Variants in PTPRT observed in about 807,000 individuals in gnomAD.
PTPRT encodes the protein receptor-type tyrosine-protein phosphatase T.
In PTPRT, 56 loss-of-function variants were observed where a neutral mutation model predicts 176.8. The observed-to-expected ratio is 0.32, with a 90% confidence interval of 0.26 to 0.40. The LOEUF is 0.40. Among genes scored for constraint, PTPRT ranks in the 10% least tolerant of loss-of-function variants. The pLI, the probability that PTPRT is intolerant of heterozygous loss-of-function variation, is 1.00. For synonymous variants in PTPRT, 783 were observed against 739.0 expected (o/e 1.06, Z -0.96); for missense variants, 1,540 against 1,908.2 (o/e 0.81, Z 3.60).
At chr20:43,146,383 T>C (rs775667949) in intron 1 of PTPRT, among the ~76,000 whole-genome samples, 54 of 152,114 alleles carry the variant, frequency 3.5e-4, no homozygotes, top group Non-Finnish European at 6.5e-4. Flanking sequence ...AGACCCTATG[T>C]AGTGAAAAAA....
In PTPRT at chr20:42,811,301, T is replaced by C. The variant is rs1001607718; in HGVS notation, c.215-19835A>G. On this transcript the variant is annotated intron_variant, in intron 2 of 30. Transcript: ENST00000373187. ...ACACAGAGACAAAAGGACAGACGGATGGATGGATGAGGATGGGCGGATGGA... is the reference window on the plus strand; with the variant it reads ...ACACAGAGACAAAAGGACAGACGGACGGATGGATGAGGATGGGCGGATGGA... 1.4e-4 allele frequency among the ~76,000 whole-genome samples: 22 copies of C among 152,170 alleles called. No homozygotes were observed. In the East Asian group the frequency reaches 4.3e-3, roughly 29 times the overall value.
intron 1 of PTPRT, among the ~76,000 whole-genome samples, chr20:42,956,681 C>T (rs900489975): frequency 6.6e-6 from 1 of 152,084 alleles, no homozygotes; most frequent in African/African-American, 2.4e-5. Flanking sequence ...CTGCAGCTCC[C>T]ACCTGGGCAG....
chr20:42,369,910 T>A (rs1219848378), intron 9 of PTPRT, among the ~76,000 whole-genome samples: 3 of 152,338 alleles, frequency 2.0e-5, no homozygotes, highest in East Asian at 1.9e-4. Flanking sequence ...GATGAGAACA[T>A]CTCACCTAAG....
intron 14 of PTPRT, among the ~76,000 whole-genome samples, chr20:42,242,633 C>T (rs543835759): frequency 2.6e-5 from 4 of 152,080 alleles, no homozygotes; most frequent in South Asian, 2.1e-4. Context: ...GAAGAAAGTT[C>T]GTAAGCAAAA....
At chr20:42,299,869 G>A (rs565798387) in intron 12 of PTPRT, among the ~76,000 whole-genome samples, 30 of 151,582 alleles carry the variant, frequency 2.0e-4, no homozygotes, top group African/African-American at 6.0e-4. Context: ...AAATGGTCTC[G>A]ATCTCTTGAC....
chr20:42,970,880 G>A (rs1003845893), intron 1 of PTPRT: 2 of 152,136 alleles, frequency 1.3e-5, no homozygotes, highest in African/African-American at 4.8e-5. Flanking sequence ...TTTTCCTCTG[G>A]TCTCCAGAGA....
intron 1 of PTPRT, among the ~76,000 whole-genome samples, chr20:43,135,841 G>C (rs1048222542): frequency 1.3e-5 from 2 of 152,284 alleles, no homozygotes; most frequent in Admixed American, 1.3e-4. Flanking sequence ...CTGACCTTGA[G>C]GCATCTGAAT....
chr20:42,991,923 G>T, intron 1 of PTPRT, among the ~76,000 whole-genome samples: 1 of 152,034 alleles, frequency 6.6e-6, no homozygotes, highest in East Asian at 1.9e-4. Flanking sequence ...CTGCTAGCAG[G>T]TTAAACAGTC....
intron 12 of PTPRT, among the ~76,000 whole-genome samples, chr20:42,306,812 G>A (rs2057549897): frequency 6.6e-6 from 1 of 152,160 alleles, no homozygotes; most frequent in African/African-American, 2.4e-5. Flanking sequence ...AGGTAAAGGG[G>A]AAAAGCTGTT....
intron 6 of PTPRT, among the ~76,000 whole-genome samples, chr20:42,733,147 T>G (rs1174447470): frequency 6.6e-6 from 1 of 152,178 alleles, no homozygotes; most frequent in South Asian, 2.1e-4. Context: ...TCTCTAGACA[T>G]GGGGTTTAAC....
chr20:42,120,637 G>T (rs946360763), intron 19 of PTPRT, among the ~76,000 whole-genome samples: 1 of 152,110 alleles, frequency 6.6e-6, no homozygotes, highest in East Asian at 1.9e-4. Context: ...TACTCTGGTT[G>T]GGGAGTACCC....
chr20:42,712,536 G>A (rs547628457), intron 6 of PTPRT, among the ~76,000 whole-genome samples: 30 of 152,190 alleles, frequency 2.0e-4, no homozygotes, highest in South Asian at 4.1e-4. Context: ...CCAGATTCAC[G>A]ACCACCTCAA....
intron 25 of PTPRT, 133 bp from the exon 26 acceptor site, chr20:42,102,430 G>A (rs1050890739): frequency 4.3e-5 from 42 of 974,614 alleles, no homozygotes; most frequent in African/African-American, 1.8e-4. Flanking sequence ...TCCCTTTCCC[G>A]GGACCCATTT....
Position 42,542,622 on chromosome 20 carries a change from A to T in PTPRT, c.1154-70060T>A, listed in dbSNP as rs558414166. 5.3e-5 allele frequency among the ~76,000 whole-genome samples: 8 copies of T among 152,314 alleles called. No individual in the cohort carries two copies. The East Asian group carries it at 1.5e-3, about 29-fold the overall frequency. On this transcript the variant is annotated intron_variant, in intron 7 of 30. Transcript: ENST00000373187. ...GAAGATAATTGAACAAATCTATGGA[A>T]ATTACATCTGCAATTACCTTAGGAC...
chr20:42,870,296 G>A (rs1355839667), intron 2 of PTPRT, among the ~76,000 whole-genome samples: 1 of 152,146 alleles, frequency 6.6e-6, no homozygotes, highest in Non-Finnish European at 1.5e-5. Context: ...CATAACATAA[G>A]GTCTTCAAGG....
rs555924109 is a variant in PTPRT at position 42,787,201 on chromosome 20, C to T, written c.486+3994G>A. 2.0e-5 allele frequency among the ~76,000 whole-genome samples: 3 copies of T among 152,280 alleles called. No homozygotes were observed. The South Asian group carries it at 6.2e-4, about 32-fold the overall frequency. ...TAAGCCACATGTGCCAGTATGCATTCTGTAAATGTCTATGGATAGGAAGAC... is the reference window on the plus strand; with the variant it reads ...TAAGCCACATGTGCCAGTATGCATTTTGTAAATGTCTATGGATAGGAAGAC... On this transcript the variant is annotated intron_variant, in intron 3 of 30. Transcript: ENST00000373187.
intron 17 of PTPRT, among the ~76,000 whole-genome samples, chr20:42,160,977 A>C (rs1317300022): frequency 9.9e-5 from 15 of 152,142 alleles, no homozygotes; most frequent in Admixed American, 5.2e-4. Context: ...TTTCTACAGC[A>C]TGTGGGATGG....
chr20:42,326,701 G>A (rs2057887611), intron 11 of PTPRT, among the ~76,000 whole-genome samples: 1 of 152,146 alleles, frequency 6.6e-6, no homozygotes, highest in Non-Finnish European at 1.5e-5. Context: ...GGTAGAGTGG[G>A]TGTTAAATAA....
chr20:42,085,623 G>A, intron 28 of PTPRT, 105 bp downstream of exon 28: 1 of 1,489,534 alleles, frequency 6.7e-7, no homozygotes, highest in Non-Finnish European at 9.2e-7. Context: ...ATTATCAGGA[G>A]AGCACAACAC....
Sources: allele counts gnomAD v4.1 joint callset (sites outside exome capture counted in the v4.1 genomes callset), GRCh38; gene constraint gnomAD v4.1.1; transcripts MANE v1.5; gene names NCBI Gene and HGNC (gene_info 2026-07-23, HGNC 2026-07-21).